The following ROR2 variants were observed in gnomAD, a reference collection of about 807,000 sequenced individuals.
ROR2 encodes the protein tyrosine-protein kinase transmembrane receptor ROR2.
In ROR2, 33 loss-of-function variants were observed where a neutral mutation model predicts 74.9. That is an observed-to-expected ratio of 0.44 (90% CI 0.33 to 0.59). ROR2 has a LOEUF of 0.59. Among genes scored for constraint, ROR2 ranks in the 20% least tolerant of loss-of-function variants. ROR2 has a pLI of 0.02. For synonymous variants in ROR2, 586 were observed against 558.7 expected (o/e 1.05, Z -0.69); for missense variants, 1,216 against 1,313.8 (o/e 0.93, Z 1.15).
intron 4 of ROR2, among the ~76,000 whole-genome samples, chr9:91,748,886 G>A (rs1825516500): frequency 6.6e-6 from 1 of 152,182 alleles, no homozygotes. Context: ...AATTAGCCGG[G>A]CGTGGTGGCA....
At chr9:91,899,527 A>G (rs1361703882) in intron 1 of ROR2, among the ~76,000 whole-genome samples, 1 of 152,140 alleles carries the variant, frequency 6.6e-6, no homozygotes, top group East Asian at 1.9e-4. Context: ...ATAGGCAGAT[A>G]CACCTGGGGA....
At chr9:91,819,436 T>C (rs550626450) in intron 1 of ROR2, among the ~76,000 whole-genome samples, 1 of 151,876 alleles carries the variant, frequency 6.6e-6, no homozygotes, top group Admixed American at 6.5e-5. Context: ...AGTCTCTGTG[T>C]GTGTTCTGTG....
intron 1 of ROR2, among the ~76,000 whole-genome samples, chr9:91,832,754 A>G (rs1301110259): frequency 1.3e-5 from 2 of 152,210 alleles, no homozygotes; most frequent in East Asian, 1.9e-4. Flanking sequence ...CTTTTCATAT[A>G]TATCTCCTAC....
chr9:91,891,252 C>CTTTTTTTTTTTTTTTT (rs59835723), intron 1 of ROR2, among the ~76,000 whole-genome samples: 1 of 136,850 alleles, frequency 7.3e-6, no homozygotes. Flanking sequence ...CTGTTCCTTT[C>CTTTTTTTTTTTTTTTT]TTTTTTTTTT....
chr9:91,823,871 C>CA (rs969492673), intron 1 of ROR2, among the ~76,000 whole-genome samples: 1 of 152,226 alleles, frequency 6.6e-6, no homozygotes, highest in Non-Finnish European at 1.5e-5. Context: ...CAAGGCATCT[C>CA]AATCTCCTAA....
intron 2 of ROR2, among the ~76,000 whole-genome samples, chr9:91,771,565 G>A (rs192245142): frequency 2.6e-5 from 4 of 152,258 alleles, no homozygotes; most frequent in East Asian, 1.9e-4. Flanking sequence ...TCCTACAGTC[G>A]CCTGCAGTCT....
intron 1 of ROR2, among the ~76,000 whole-genome samples, chr9:91,851,792 G>T (rs7864311): frequency 0.5 from 76,503 of 151,772 alleles, 23,102 homozygotes; most frequent in African/African-American, 0.84. Flanking sequence ...GTGGCCAACA[G>T]AGCGAAACCC....
chr9:91,909,393 C>T (rs1293820050), intron 1 of ROR2, among the ~76,000 whole-genome samples: 1 of 152,184 alleles, frequency 6.6e-6, no homozygotes, highest in Non-Finnish European at 1.5e-5. Flanking sequence ...CAGGGTCTCA[C>T]TGTGTTGCCA....
intron 1 of ROR2, among the ~76,000 whole-genome samples, chr9:91,776,495 G>A (rs569044201): frequency 6.6e-5 from 10 of 152,208 alleles, no homozygotes; most frequent in Admixed American, 6.5e-5. Context: ...CACCTCTCCC[G>A]GGGCAATCCT....
chr9:91,753,625 T>G (rs980850028), intron 4 of ROR2, among the ~76,000 whole-genome samples: 2 of 152,124 alleles, frequency 1.3e-5, no homozygotes, highest in African/African-American at 4.8e-5. Flanking sequence ...GGAGACGCGG[T>G]GGCACGAGTG....
intron 1 of ROR2, among the ~76,000 whole-genome samples, chr9:91,923,250 G>A (rs893726785): frequency 9.9e-5 from 15 of 152,228 alleles, no homozygotes; most frequent in African/African-American, 3.4e-4. Flanking sequence ...AACTTGCTGT[G>A]AAGAGGGAGA....
intron 4 of ROR2, among the ~76,000 whole-genome samples, chr9:91,746,100 G>A (rs983030216): frequency 6.6e-6 from 1 of 151,926 alleles, no homozygotes; most frequent in African/African-American, 2.4e-5. Context: ...TTTAAAACAT[G>A]GAGTCTCGCT....
At chr9:91,838,262 C>A (rs546647148) in intron 1 of ROR2, among the ~76,000 whole-genome samples, 1 of 152,294 alleles carries the variant, frequency 6.6e-6, no homozygotes, top group South Asian at 2.1e-4. Context: ...TTAAACCAGG[C>A]ACCACCAGGC....
intron 2 of ROR2, among the ~76,000 whole-genome samples, chr9:91,771,885 A>C (rs1826242096): frequency 6.6e-6 from 1 of 152,224 alleles, no homozygotes; most frequent in Non-Finnish European, 1.5e-5. Context: ...CCACAGGCCA[A>C]TGTCACCTGC....
chr9:91,806,275 T>G (rs897440581), intron 1 of ROR2, among the ~76,000 whole-genome samples: 2 of 152,176 alleles, frequency 1.3e-5, no homozygotes, highest in African/African-American at 4.8e-5. Flanking sequence ...AATTCATGTC[T>G]GATGAGGGTC....
intron 1 of ROR2, among the ~76,000 whole-genome samples, chr9:91,849,842 G>A (rs1382276488): frequency 3.3e-5 from 5 of 152,154 alleles, no homozygotes; most frequent in Non-Finnish European, 5.9e-5. Flanking sequence ...ATGTTGTTTG[G>A]CCTAAATAGC....
intron 1 of ROR2, among the ~76,000 whole-genome samples, chr9:91,798,601 G>T (rs1178776373): frequency 7.5e-6 from 1 of 132,836 alleles, no homozygotes; most frequent in Non-Finnish European, 1.5e-5. Flanking sequence ...TGACACCCTG[G>T]GCTCTGTGGG....
At chr9:91,831,158 G>A (rs1462630999) in intron 1 of ROR2, among the ~76,000 whole-genome samples, 3 of 151,934 alleles carry the variant, frequency 2.0e-5, no homozygotes, top group African/African-American at 7.3e-5. Flanking sequence ...CTACTCGGGA[G>A]GCTGAGGCAG....
At chr9:91,890,986 G>C (rs1436899936) in intron 1 of ROR2, among the ~76,000 whole-genome samples, 1 of 152,026 alleles carries the variant, frequency 6.6e-6, no homozygotes, top group South Asian at 2.1e-4. Flanking sequence ...AATTGCTGTT[G>C]TTCTTTTAAC....
Sources: gnomAD v4.1 joint callset for allele counts (sites outside exome capture counted in the v4.1 genomes callset) on GRCh38, gnomAD v4.1.1 for gene constraint, MANE v1.5 for transcripts, NCBI Gene and HGNC (gene_info 2026-07-23, HGNC 2026-07-21) for gene names.